LRMDA: variants seen among roughly 807,000 people sequenced by gnomAD.
LRMDA encodes the protein leucine-rich melanocyte differentiation-associated protein.
In LRMDA, 18 loss-of-function variants were observed where a neutral mutation model predicts 29.8. The ratio of observed to expected loss-of-function variants is 0.60; its 90% CI spans 0.42 to 0.90. LRMDA has a LOEUF of 0.90. LRMDA is among the 40% of genes least tolerant of loss of function. The pLI, the probability that LRMDA is intolerant of heterozygous loss-of-function variation, is 0.00. For synonymous variants in LRMDA, 125 were observed against 109.4 expected, an observed-to-expected ratio of 1.14 and a Z score of -0.89; for missense variants, 273 against 273.9, an observed-to-expected ratio of 1.00 and a Z score of 0.02.
At chr10:76,018,028 T>G (rs1425067795) in intron 2 of LRMDA, among the ~76,000 whole-genome samples, 1 of 152,202 alleles carries the variant, frequency 6.6e-6, no homozygotes, top group Non-Finnish European at 1.5e-5. Context: ...CTTCCACCAC[T>G]GTGGGGGCTC....
At chr10:76,123,197 A>G (rs1849818757) in intron 5 of LRMDA, among the ~76,000 whole-genome samples, 1 of 152,096 alleles carries the variant, frequency 6.6e-6, no homozygotes, top group African/African-American at 2.4e-5. Flanking sequence ...GGGGATATTA[A>G]TGATCCCTCC....
intron 2 of LRMDA, among the ~76,000 whole-genome samples, chr10:75,735,967 G>A (rs1842757450): frequency 6.6e-6 from 1 of 152,082 alleles, no homozygotes; most frequent in Non-Finnish European, 1.5e-5. Context: ...TTGTGGTGGG[G>A]ATGGCAGCTG....
intron 2 of LRMDA, among the ~76,000 whole-genome samples, chr10:75,501,181 C>T (rs1845108962): frequency 6.6e-6 from 1 of 151,962 alleles, no homozygotes; most frequent in African/African-American, 2.4e-5. Flanking sequence ...TTTTTCCCAC[C>T]TATTACCCCA....
chr10:76,382,712 T>A (rs552421643), intron 6 of LRMDA, among the ~76,000 whole-genome samples: 4 of 152,316 alleles, frequency 2.6e-5, no homozygotes, highest in Non-Finnish European at 5.9e-5. Flanking sequence ...CTCTGGGGCA[T>A]CTGCCTTTGA....
At chr10:75,931,060 G>A (rs949927768) in intron 2 of LRMDA, among the ~76,000 whole-genome samples, 3 of 152,166 alleles carry the variant, frequency 2.0e-5, no homozygotes, top group Non-Finnish European at 4.4e-5. Flanking sequence ...GAACAGACAA[G>A]AGACAATTAT....
At chr10:75,688,670 A>G (rs573422672) in intron 2 of LRMDA, among the ~76,000 whole-genome samples, 4 of 152,258 alleles carry the variant, frequency 2.6e-5, no homozygotes, top group Non-Finnish European at 4.4e-5. Context: ...AGGAGGTTCT[A>G]CTGTGGGTGA....
intron 2 of LRMDA, among the ~76,000 whole-genome samples, chr10:75,787,749 G>T (rs1843496893): frequency 2.0e-5 from 3 of 152,250 alleles, no homozygotes; most frequent in Non-Finnish European, 4.4e-5. Context: ...CAAAATAAGG[G>T]GTGGGCGAGG....
chr10:75,698,483 A>G (rs1282157743), intron 2 of LRMDA, among the ~76,000 whole-genome samples: 2 of 152,146 alleles, frequency 1.3e-5, no homozygotes, highest in African/African-American at 4.8e-5. Context: ...CTGAAACAGT[A>G]TTTAATAGTC....
intron 2 of LRMDA, among the ~76,000 whole-genome samples, chr10:75,779,729 C>A (rs1292613047): frequency 6.6e-6 from 1 of 152,142 alleles, no homozygotes; most frequent in Non-Finnish European, 1.5e-5. Flanking sequence ...ACTCAGGGAT[C>A]TGGCTGGATG....
At chr10:76,474,913 T>C (rs1161244759) in intron 6 of LRMDA, among the ~76,000 whole-genome samples, 4 of 151,750 alleles carry the variant, frequency 2.6e-5, no homozygotes, top group African/African-American at 9.7e-5. Flanking sequence ...TGGTCATTAA[T>C]ATCTATAGCA....
At chr10:76,065,634 G>A (rs1474884944) in intron 5 of LRMDA, among the ~76,000 whole-genome samples, 4 of 152,202 alleles carry the variant, frequency 2.6e-5, no homozygotes, top group Non-Finnish European at 5.9e-5. Flanking sequence ...TAAGTGTTGG[G>A]GATAAGATGA....
chr10:76,044,890 GTT>G lies in LRMDA; in HGVS notation c.259-2272_259-2271del, dbSNP rs1264133482. Among the ~76,000 whole-genome samples the G allele has an allele frequency of 3.3e-5, 5 of 152,212 alleles. No individual in the cohort carries two copies. The East Asian group carries it at 9.6e-4, about 29-fold the overall frequency. The stretch of plus-strand genomic sequence containing the variant: ...GTGTGCTCACAACTTTCTTTTGCTA[GTT>G]TCCCCTCTTGCTAGTTTCCCTCTCT... On this transcript the variant is annotated intron_variant, in intron 3 of 6. Coordinates refer to ENST00000611255, the MANE Select transcript of LRMDA (RefSeq NM_001305581.2).
intron 5 of LRMDA, among the ~76,000 whole-genome samples, chr10:76,299,780 T>C (rs1840457956): frequency 6.6e-6 from 1 of 152,134 alleles, no homozygotes; most frequent in Non-Finnish European, 1.5e-5. Context: ...AACCTTTGGC[T>C]GGTTGTAGGA....
chr10:76,380,038 C>T (rs1290450653), intron 6 of LRMDA, among the ~76,000 whole-genome samples: 2 of 152,114 alleles, frequency 1.3e-5, no homozygotes, highest in African/African-American at 2.4e-5. Context: ...CTCTTGGTAT[C>T]GACTTATAGT....
intron 5 of LRMDA, among the ~76,000 whole-genome samples, chr10:76,180,356 G>T (rs1308253139): frequency 7.6e-6 from 1 of 132,428 alleles, no homozygotes; most frequent in East Asian, 2.2e-4. Context: ...CGTGATCTCT[G>T]CTCACTGCAA....
intron 2 of LRMDA, among the ~76,000 whole-genome samples, chr10:75,770,390 C>A (rs917692453): frequency 6.6e-6 from 1 of 152,192 alleles, no homozygotes; most frequent in Non-Finnish European, 1.5e-5. Flanking sequence ...TACTGAACTG[C>A]ATACTTAAAA....
chr10:75,503,425 C>T (rs1042230782), intron 2 of LRMDA, among the ~76,000 whole-genome samples: 1 of 151,736 alleles, frequency 6.6e-6, no homozygotes, highest in Non-Finnish European at 1.5e-5. Context: ...ATTCAAATGA[C>T]ATTAGGCCTG....
chr10:75,827,632 A>G (rs1308104121), intron 2 of LRMDA, among the ~76,000 whole-genome samples: 1 of 152,210 alleles, frequency 6.6e-6, no homozygotes, highest in Non-Finnish European at 1.5e-5. Context: ...ACTGCTGTAA[A>G]GCAAAGTGCA....
At chr10:75,735,549 T>G (rs1383579679) in intron 2 of LRMDA, among the ~76,000 whole-genome samples, 2 of 152,200 alleles carry the variant, frequency 1.3e-5, no homozygotes, top group African/African-American at 4.8e-5. Context: ...TGCTGTGCTG[T>G]CCTGTGCACT....
Sources: allele counts gnomAD v4.1 joint callset (sites outside exome capture counted in the v4.1 genomes callset), GRCh38; gene constraint gnomAD v4.1.1; transcripts MANE v1.5; gene names NCBI Gene and HGNC (gene_info 2026-07-23, HGNC 2026-07-21).